Variants in NUP205 observed in about 807,000 individuals in gnomAD.
NUP205 encodes nucleoporin 205, also known as nuclear pore complex protein Nup205.
Under a neutral mutation model 253.8 loss-of-function variants are expected in NUP205, and 76 were observed. That is an observed-to-expected ratio of 0.30 (90% CI 0.25 to 0.36). The LOEUF (loss-of-function observed/expected upper bound fraction) is 0.36. NUP205 is among the 10% of genes least tolerant of loss of function. The probability of loss-of-function intolerance (pLI) is 1.00; values close to 1 mark genes in which losing one functional copy is unlikely to be tolerated. For synonymous variants in NUP205, 832 were observed against 850.1 expected (o/e 0.98, Z 0.37); for missense variants, 2,162 against 2,425.5 (o/e 0.89, Z 2.28).
chr7:135,564,030 C>CA (rs1207999712), intron 1 of NUP205, among the ~76,000 whole-genome samples: 1 of 151,656 alleles, frequency 6.6e-6, no homozygotes, highest in Non-Finnish European at 1.5e-5. Context: ...TGGTCAAACT[C>CA]AAGACAGATT....
chr7:135,563,874 A>C (rs949781811), intron 1 of NUP205, among the ~76,000 whole-genome samples: 1 of 152,016 alleles, frequency 6.6e-6, no homozygotes, highest in African/African-American at 2.4e-5. Context: ...CTGTAATCCT[A>C]GCTACTAGAG....
Position 135,627,953 on chromosome 7 carries a change from C to T in NUP205, c.4794-20C>T. The T allele has an allele frequency of 1.2e-6, 2 of 1,611,862 alleles. No individual in the cohort carries two copies. Among genetic ancestry groups the T allele is most frequent in the Non-Finnish European group, 1.7e-6 (2 of 1,178,752 alleles). ...TACCTTAATTCTTGGAATGTTTTCT[C>T]CTTGTTTGGTTGAAATAAGCATGTT... On this transcript the variant is annotated intron_variant, in intron 33 of 42. Transcript: ENST00000285968.
Position 135,590,101 on chromosome 7 carries a change from T to TTTA in NUP205, c.1474-1347_1474-1346insATT, listed in dbSNP as rs71531857. Among the ~76,000 whole-genome samples the TTTA allele has an allele frequency of 9.1e-4, 137 of 149,968 alleles. 6 individuals are homozygous for TTTA. Among genetic ancestry groups the TTTA allele is most frequent in the Non-Finnish European group, 1.7e-3 (114 of 67,244 alleles). On this transcript the variant is annotated intron_variant, in intron 10 of 42. Transcript: ENST00000285968. ...GTTTGCTTCATCTACTATATTATTA[T>TTTA]TTTATTTATTTATTTATTTATTTAT...
At chr7:135,620,160 G>T (rs1346789737) in intron 30 of NUP205, among the ~76,000 whole-genome samples, 1 of 152,178 alleles carries the variant, frequency 6.6e-6, no homozygotes, top group Non-Finnish European at 1.5e-5. Flanking sequence ...AAGTCCGACT[G>T]AACAGTGTGC....
In NUP205 at chr7:135,595,519, C is replaced by A. The variant is rs140696057; in HGVS notation, c.2013+790C>A. ...GATGACAGGTGTGAGCCACCACACCCAGCCTGCAGAGAAATTTTAACAGCA... is the reference window on the plus strand; with the variant it reads ...GATGACAGGTGTGAGCCACCACACCAAGCCTGCAGAGAAATTTTAACAGCA... On this transcript the variant is annotated intron_variant, in intron 13 of 42. Transcript: ENST00000285968. 8.9e-4 allele frequency among the ~76,000 whole-genome samples: 135 copies of A among 152,188 alleles called. 2 individuals carry two copies. In the East Asian group the frequency reaches 0.021, roughly 24 times the overall value.
Position 135,584,877 on chromosome 7 carries a change from C to T in NUP205, c.1088C>T (p.Ala363Val). The T allele has an allele frequency of 6.2e-7, 1 of 1,614,038 alleles. No homozygotes were observed. The highest frequency in any genetic ancestry group is 8.5e-7 in the Non-Finnish European group (1 of 1,179,948). Residue 363 changes from alanine to valine, a missense_variant, in exon 8 of 43, where the codon GCA becomes GTA. Ala to Val is a moderately conservative substitution (Grantham distance 64). This residue lies in a region of NUP205 where 892 missense variants were observed against 957.1 expected (regional missense o/e 0.93). Transcript: ENST00000285968. ...TEADEAMAEL[A>V]IADNVFLFLM... is the part of the protein sequence containing the mutation. The stretch of plus-strand genomic sequence containing the variant: ...GCAGATGAAGCAATGGCAGAACTCG[C>T]AATTGCTGACAACGTTTTCCTGTTC...
rs1284263475 is a variant in NUP205, at chr7:135,570,052, T to TATAGAGAG, written c.29-1052_29-1051insTAGAGAGA. ...TTTTATATATATATATATATATATA[T>TATAGAGAG]AGAGAGAGAGAGAGAGAGAGAGAGA... On this transcript the variant is annotated intron_variant, in intron 1 of 42. Coordinates refer to ENST00000285968, the MANE Select transcript of NUP205 (RefSeq NM_015135.3). Among the ~76,000 whole-genome samples, 50 of 79,178 alleles carry TATAGAGAG rather than the reference T, an allele frequency of 6.3e-4. 1 individual carries two copies. Among genetic ancestry groups the TATAGAGAG allele is most frequent in the African/African-American group, 1.9e-3 (37 of 19,112 alleles). 51.9% of individuals were successfully genotyped at this position (79,178 alleles called of 152,430 possible).
At chr7:135,613,364 G>T (rs1037310867) in intron 22 of NUP205, among the ~76,000 whole-genome samples, 1 of 150,384 alleles carries the variant, frequency 6.6e-6, no homozygotes, top group African/African-American at 2.4e-5. Flanking sequence ...ATTCTTTTTT[G>T]TTAAATTTTT....
intron 21 of NUP205, 64 bp from the exon 22 acceptor site, chr7:135,607,183 C>A: frequency 6.4e-7 from 1 of 1,573,034 alleles, no homozygotes; most frequent in Admixed American, 1.9e-5. Context: ...TTTGAAAAGG[C>A]AGTCTAAGAT....
Position 135,619,573 on chromosome 7 carries a change from G to C in NUP205, c.4114G>C (p.Asp1372His). Reference protein sequence around the residue: ...PAEAHYAFMLDSCFTSPPPEE... With the variant: ...PAEAHYAFMLHSCFTSPPPEE... ...AGAGGCCCATTACGCTTTTATGCTT[G>C]ATAGTTGCTTCACCTCACCTCCTCC... The change falls in exon 29 of 43, where the codon GAT (aspartate) becomes CAT (histidine). Residue 1372 changes from aspartate to histidine, a missense_variant. Asp to His is a moderately conservative substitution (Grantham distance 81, BLOSUM62 -1). Coordinates refer to ENST00000285968, the MANE Select transcript of NUP205 (RefSeq NM_015135.3). 2 of 1,614,140 alleles carry C rather than the reference G, an allele frequency of 1.2e-6. No individual in the cohort carries two copies. Among genetic ancestry groups the C allele is most frequent in the Non-Finnish European group, 1.7e-6 (2 of 1,180,028 alleles).
At chr7:135,575,118 T>C (rs892057408) in intron 3 of NUP205, among the ~76,000 whole-genome samples, 1 of 152,218 alleles carries the variant, frequency 6.6e-6, no homozygotes. Flanking sequence ...GTAAATACGC[T>C]CATATTCTAA....
intron 12 of NUP205, among the ~76,000 whole-genome samples, chr7:135,594,272 G>A (rs780310260): frequency 1.8e-4 from 27 of 151,738 alleles, no homozygotes; most frequent in Non-Finnish European, 2.9e-4. Context: ...CAACCCTTGC[G>A]GACCATTTAT....
At chr7:135,558,092 C>T (rs1805480365) in intron 1 of NUP205, 120 bp downstream of exon 1, 3 of 865,424 alleles carry the variant, frequency 3.5e-6, no homozygotes, top group Middle Eastern at 2.2e-4. Flanking sequence ...CCTGCTTTTC[C>T]CTAATTCTGG....
intron 7 of NUP205, among the ~76,000 whole-genome samples, chr7:135,580,182 A>G (rs1806265504): frequency 6.6e-6 from 1 of 152,198 alleles, no homozygotes; most frequent in South Asian, 2.1e-4. Context: ...CTAGTATCTT[A>G]TCAATCGTGT....
intron 3 of NUP205, among the ~76,000 whole-genome samples, 177 bp from the exon 4 acceptor site, chr7:135,576,093 G>T (rs982948863): frequency 6.6e-6 from 1 of 152,108 alleles, no homozygotes; most frequent in African/African-American, 2.4e-5. Context: ...GATGGCCCTC[G>T]AATATGTTGA....
chr7:135,597,513 T>C (rs1793870187), intron 14 of NUP205, 95 bp downstream of exon 14: 2 of 727,648 alleles, frequency 2.7e-6, no homozygotes. Context: ...TTTCCATAAT[T>C]ATCAAATTTA....
At chr7:135,622,697 T>A in intron 30 of NUP205, 80 bp from the exon 31 acceptor site, 7 of 1,242,802 alleles carry the variant, frequency 5.6e-6, no homozygotes, top group Non-Finnish European at 6.8e-6. Flanking sequence ...CCTTAGCTCA[T>A]ACCTAGCATG....
Position 135,614,141 on chromosome 7 carries a change from C to A in NUP205, c.3196-18C>A. The A allele has an allele frequency of 7.4e-7, 1 of 1,352,036 alleles. No homozygotes were observed. Among genetic ancestry groups the A allele is most frequent in the Non-Finnish European group, 1.1e-6 (1 of 947,900 alleles). The allele number at this position is 1,352,036 out of a possible 1,614,324, so 83.8% of individuals were successfully genotyped here. A position where few individuals can be genotyped will look rare whatever the true frequency, so the allele number is the denominator to read the frequency against. ...CAGAAAGACTGATTCAGGGATTTTT[C>A]TTACTTTAATGCTTTAGGTCATATA... On this transcript the variant is annotated intron_variant, in intron 22 of 42. Coordinates refer to ENST00000285968, the MANE Select transcript of NUP205 (RefSeq NM_015135.3).
intron 1 of NUP205, among the ~76,000 whole-genome samples, chr7:135,564,105 G>A (rs1400420471): frequency 2.0e-5 from 3 of 151,824 alleles, no homozygotes; most frequent in Non-Finnish European, 2.9e-5. Context: ...TTGAGACGAG[G>A]TTTCACTCTG....
Sources: allele counts gnomAD v4.1 joint callset (sites outside exome capture counted in the v4.1 genomes callset), GRCh38; gene constraint gnomAD v4.1.1; regional missense constraint gnomAD v4.1.1; transcripts MANE v1.5; gene names NCBI Gene and HGNC (gene_info 2026-07-23, HGNC 2026-07-21).